The following ZNF638 variants were observed in gnomAD, a reference collection of about 807,000 sequenced individuals.
ZNF638 encodes the protein zinc finger protein 638.
Under a neutral mutation model 195.6 loss-of-function variants are expected in ZNF638, and 46 were observed. The observed-to-expected ratio is 0.24, with a 90% CI of 0.19 to 0.30. The LOEUF is 0.30. Ranked by LOEUF, ZNF638 falls within the 10% of genes least tolerant of loss-of-function variation. The probability of loss-of-function intolerance (pLI) is 1.00; values close to 1 mark genes in which losing one functional copy is unlikely to be tolerated. For missense variants in ZNF638, 2,440 were observed against 2,325.3 expected, an observed-to-expected ratio of 1.05 and a Z score of -1.01; for synonymous variants, 845 against 772.0, an observed-to-expected ratio of 1.09 and a Z score of -1.57.
intron 1 of ZNF638, among the ~76,000 whole-genome samples, chr2:71,345,594 C>T (rs541882055): frequency 3.9e-5 from 6 of 152,240 alleles, no homozygotes; most frequent in Admixed American, 3.3e-4. Context: ...GTTGCCCAGG[C>T]TGGCCTCGAA....
chr2:71,348,637 A>G (rs2078894263), intron 1 of ZNF638, 116 bp from the exon 2 acceptor site: 4 of 1,260,722 alleles, frequency 3.2e-6, no homozygotes, highest in East Asian at 4.4e-5. Flanking sequence ...CTAAAAGTAT[A>G]TGAAATGCAG....
chr2:71,339,646 C>T lies in ZNF638; in HGVS notation c.-203+7771C>T, dbSNP rs545855306. ...CTTTACTTCTTGGTCTTGCTTACCT[C>T]TGTTCCAGTGGCTTTTGTTGTTGTT... On this transcript the variant is annotated intron_variant, in intron 1 of 27. Coordinates refer to ENST00000264447, the MANE Select transcript of ZNF638 (RefSeq NM_014497.5). Among the ~76,000 whole-genome samples the T allele has an allele frequency of 8.0e-4, 122 of 152,334 alleles. 1 individual carries two copies. The highest frequency in any genetic ancestry group is 2.7e-3 in the African/African-American group (113 of 41,570).
chr2:71,399,963 CTT>C, intron 13 of ZNF638, 147 bp from the exon 14 acceptor site: 1 of 603,306 alleles, frequency 1.7e-6, no homozygotes. Flanking sequence ...GGATTGCTGT[CTT>C]TTGTTTTTCA....
At chr2:71,348,184 G>A (rs1010860266) in intron 1 of ZNF638, among the ~76,000 whole-genome samples, 2 of 152,132 alleles carry the variant, frequency 1.3e-5, no homozygotes, top group African/African-American at 4.8e-5. Flanking sequence ...CTGTAGTCAG[G>A]TTATTGGCAA....
intron 17 of ZNF638, 106 bp downstream of exon 17, chr2:71,404,104 C>T (rs2104439630): frequency 8.6e-7 from 1 of 1,161,762 alleles, no homozygotes; most frequent in South Asian, 1.7e-5. Context: ...ATTTTTCTCA[C>T]AGACACTGAG....
chr2:71,424,538 A>G, intron 22 of ZNF638, 112 bp from the exon 23 acceptor site: 1 of 777,486 alleles, frequency 1.3e-6, no homozygotes, highest in Non-Finnish European at 2.1e-6. Context: ...TGCATAATTG[A>G]CTGTATTTGG....
At chr2:71,334,101 C>T (rs898635977) in intron 1 of ZNF638, among the ~76,000 whole-genome samples, 1 of 152,082 alleles carries the variant, frequency 6.6e-6, no homozygotes, top group African/African-American at 2.4e-5. Context: ...TATATTGTAA[C>T]CATTTATATG....
intron 8 of ZNF638, among the ~76,000 whole-genome samples, chr2:71,370,873 T>G (rs1418248178): frequency 6.6e-6 from 1 of 152,170 alleles, no homozygotes; most frequent in African/African-American, 2.4e-5. Flanking sequence ...AATGTAACAT[T>G]AAATTATTTT....
chr2:71,360,433 TC>T (rs1467691296), intron 3 of ZNF638, among the ~76,000 whole-genome samples: 2 of 152,042 alleles, frequency 1.3e-5, no homozygotes, highest in African/African-American at 4.8e-5. Flanking sequence ...ATTCATATTT[TC>T]CCATTTCTTT....
intron 2 of ZNF638, among the ~76,000 whole-genome samples, chr2:71,350,655 T>A (rs1386232210): frequency 6.6e-6 from 1 of 152,270 alleles, no homozygotes; most frequent in Non-Finnish European, 1.5e-5. Flanking sequence ...AACCCATTTG[T>A]AATGCACACA....
chr2:71,411,452 T>A (rs1229526056), intron 20 of ZNF638, among the ~76,000 whole-genome samples: 6 of 92,312 alleles, frequency 6.5e-5, no homozygotes, highest in Admixed American at 1.5e-4. Flanking sequence ...TTTTTTTATT[T>A]ATTTTTTATT....
At chr2:71,388,391 A>G in intron 10 of ZNF638, 2 of 647,014 alleles carry the variant, frequency 3.1e-6, no homozygotes, top group Non-Finnish European at 2.8e-6. Flanking sequence ...TGATCATCTG[A>G]CCTTTGATCA....
At position 71,363,036 on chromosome 2, in the gene ZNF638, ATATTT is replaced by A. The variant is rs1179658685; in HGVS notation, c.1380-111_1380-107del. On this transcript the variant is annotated intron_variant, in intron 3 of 27. Transcript: ENST00000264447. ...TTATTTATTGAATTAAACTCTCAAAATATTTTATTTCCAATAAAAGTTGTGAAAAG... is the reference window on the plus strand; with the variant it reads ...TTATTTATTGAATTAAACTCTCAAAATATTTCCAATAAAAGTTGTGAAAAG... 20 of 789,728 alleles carry A rather than the reference ATATTT, an allele frequency of 2.5e-5. 1 individual carries two copies. In the East Asian group the frequency reaches 4.3e-4, roughly 17 times the overall value. 48.9% of individuals were successfully genotyped at this position (789,728 alleles called of 1,614,324 possible).
chr2:71,418,663 C>T (rs1467935571), intron 21 of ZNF638, 24 bp downstream of exon 21: 2 of 1,519,322 alleles, frequency 1.3e-6, no homozygotes, highest in Admixed American at 3.9e-5. Flanking sequence ...TGTTTACTAA[C>T]ACTTTTGTAT....
chr2:71,394,544 C>T (rs2079853283), intron 10 of ZNF638, among the ~76,000 whole-genome samples: 1 of 152,128 alleles, frequency 6.6e-6, no homozygotes, highest in South Asian at 2.1e-4. Flanking sequence ...TCATTAATTA[C>T]AATATATCTA....
rs754117239 is a variant in ZNF638 at position 71,373,437 on chromosome 2, A to ATTTT, written c.2265+3456_2265+3459dup. 6.8e-4 allele frequency among the ~76,000 whole-genome samples: 48 copies of ATTTT among 71,046 alleles called. 3 individuals are homozygous for ATTTT. The highest frequency in any genetic ancestry group is 1.2e-3 in the African/African-American group (22 of 17,850). The allele number at this position is 71,046 out of a possible 152,430, so 46.6% of individuals were successfully genotyped here. A position where few individuals can be genotyped will look rare whatever the true frequency, so the allele number is the denominator to read the frequency against. On this transcript the variant is annotated intron_variant, in intron 8 of 27. Transcript: ENST00000264447. ...TTATGCATACATATATCAAGTTTGAATTTTTTTTTTTTTTTTTTTTTTTTT... is the reference window on the plus strand; with the variant it reads ...TTATGCATACATATATCAAGTTTGAATTTTTTTTTTTTTTTTTTTTTTTTTTTTT...
At position 71,434,903 on chromosome 2, in the gene ZNF638, G is replaced by A. The variant is rs2080735564; in HGVS notation, c.*96G>A. 3 of 1,063,964 alleles carry A rather than the reference G, an allele frequency of 2.8e-6. No homozygotes were observed. The highest frequency in any genetic ancestry group is 2.8e-5 in the Admixed American group (1 of 35,410). The allele number at this position is 1,063,964 out of a possible 1,614,324, so 65.9% of individuals were successfully genotyped here. A position where few individuals can be genotyped will look rare whatever the true frequency, so the allele number is the denominator to read the frequency against. ...TTAATTTGTAATTTTCGTTTCAGAAGCAAATATTCGTGTTGTACAAATTTC... is the reference window on the plus strand; with the variant it reads ...TTAATTTGTAATTTTCGTTTCAGAAACAAATATTCGTGTTGTACAAATTTC... On this transcript the variant is annotated 3_prime_UTR_variant, in exon 28 of 28. Transcript: ENST00000264447.
intron 17 of ZNF638, 31 bp downstream of exon 17, chr2:71,404,029 T>C: frequency 6.3e-7 from 1 of 1,580,322 alleles, no homozygotes; most frequent in East Asian, 2.3e-5. Flanking sequence ...TACTAGCTCT[T>C]ACTAAGTTTT....
At chr2:71,332,978 A>G (rs1240786418) in intron 1 of ZNF638, 2 of 152,016 alleles carry the variant, frequency 1.3e-5, no homozygotes, top group African/African-American at 4.8e-5. Context: ...TTTTCCCCTC[A>G]TTTGTTGTAA....
Sources: gnomAD v4.1 joint callset for allele counts (sites outside exome capture counted in the v4.1 genomes callset) on GRCh38, gnomAD v4.1.1 for gene constraint, MANE v1.5 for transcripts, NCBI Gene and HGNC (gene_info 2026-07-23, HGNC 2026-07-21) for gene names.